RASAL2: variants seen among roughly 807,000 people sequenced by gnomAD.
RASAL2 encodes the protein ras GTPase-activating protein nGAP.
In RASAL2, 58 loss-of-function variants were observed where a neutral mutation model predicts 128.9. That is an observed-to-expected ratio of 0.45 (90% confidence interval 0.36 to 0.56). The LOEUF (loss-of-function observed/expected upper bound fraction) is 0.56. Among genes scored for constraint, RASAL2 ranks in the 20% least tolerant of loss-of-function variants. The pLI, the probability that RASAL2 is intolerant of heterozygous loss-of-function variation, is 0.00. For missense variants in RASAL2, 1,360 were observed against 1,601.6 expected, an observed-to-expected ratio of 0.85 and a Z score of 2.57; for synonymous variants, 561 against 580.8, an observed-to-expected ratio of 0.97 and a Z score of 0.49.
intron 1 of RASAL2, among the ~76,000 whole-genome samples, chr1:178,278,578 A>C (rs1335291819): frequency 2.6e-5 from 4 of 152,224 alleles, no homozygotes; most frequent in Non-Finnish European, 4.4e-5. Flanking sequence ...TTCAAAAGCA[A>C]CTCAGATGAA....
chr1:178,469,082 G>A (rs902054169), intron 17 of RASAL2, among the ~76,000 whole-genome samples: 1 of 152,160 alleles, frequency 6.6e-6, no homozygotes, highest in Non-Finnish European at 1.5e-5. Flanking sequence ...CGGATTGCTT[G>A]AGCTCAGGAT....
intron 3 of RASAL2, among the ~76,000 whole-genome samples, chr1:178,344,996 T>C (rs2102415848): frequency 6.6e-6 from 1 of 152,302 alleles, no homozygotes; most frequent in African/African-American, 2.4e-5. Context: ...ACTTTCTTTG[T>C]ACATACTTGA....
At chr1:178,126,384 G>A (rs770865294) in intron 1 of RASAL2, among the ~76,000 whole-genome samples, 1 of 152,134 alleles carries the variant, frequency 6.6e-6, no homozygotes, top group Non-Finnish European at 1.5e-5. Flanking sequence ...ATTTGCCTAG[G>A]TTGACTAGCA....
In RASAL2 at chr1:178,439,466, C is replaced by G. The variant is rs574213302; in HGVS notation, c.719C>G (p.Ser240Cys). 154 of 1,612,238 alleles carry G rather than the reference C, an allele frequency of 9.6e-5. 2 individuals carry two copies. The South Asian group carries it at 1.6e-3, about 17-fold the overall frequency. Residue 240 changes from serine to cysteine, a missense_variant, in exon 6 of 18, where the codon TCC (serine) becomes TGC (cysteine). Ser to Cys is a moderately radical substitution (Grantham distance 112). This residue lies in a region of RASAL2 where 617 missense variants were observed against 714.2 expected (regional missense o/e 0.86). Coordinates refer to ENST00000367649, the MANE Select transcript of RASAL2 (RefSeq NM_170692.4). The part of the protein sequence containing the change: ...PKLKESRSHE[S>C]LLSPCSTVEC... Reference sequence around the variant, plus strand: ...CTAAAAGAGTCACGTTCCCATGAATCCTTGCTGAGCCCATGCAGCACAGTG... The same window carrying G: ...CTAAAAGAGTCACGTTCCCATGAATGCTTGCTGAGCCCATGCAGCACAGTG...
At chr1:178,447,326 A>AAAAT (rs536115182) in intron 9 of RASAL2, among the ~76,000 whole-genome samples, 6 of 151,892 alleles carry the variant, frequency 4.0e-5, no homozygotes, top group Non-Finnish European at 7.4e-5. Context: ...TGTCTTAAAA[A>AAAAT]AAATAAATAA....
intron 1 of RASAL2, among the ~76,000 whole-genome samples, chr1:178,195,529 G>A (rs1474787757): frequency 3.3e-5 from 5 of 152,028 alleles, no homozygotes; most frequent in African/African-American, 4.8e-5. Context: ...GAATATAAGT[G>A]AAGAAAAAGC....
At chr1:178,114,480 C>G (rs1239200213) in intron 1 of RASAL2, among the ~76,000 whole-genome samples, 1 of 148,610 alleles carries the variant, frequency 6.7e-6, no homozygotes, top group Non-Finnish European at 1.5e-5. Context: ...TATGGTTTTT[C>G]TTTTTTGTTC....
intron 1 of RASAL2, among the ~76,000 whole-genome samples, chr1:178,255,652 A>T (rs1665308251): frequency 1.3e-5 from 2 of 152,136 alleles, no homozygotes; most frequent in Admixed American, 6.5e-5. Flanking sequence ...CTAGTGAGAT[A>T]TGTATGGTAA....
chr1:178,188,371 G>T (rs564373454), intron 1 of RASAL2, among the ~76,000 whole-genome samples: 1 of 152,124 alleles, frequency 6.6e-6, no homozygotes, highest in East Asian at 1.9e-4. Flanking sequence ...TAAAATCTGG[G>T]ATTATTATAG....
At position 178,344,594 on chromosome 1, in the gene RASAL2, T is replaced by G. The variant is rs559442479; in HGVS notation, c.457+44476T>G. ...AAGAGGAAAAGTGTTTGTTACAGAC[T>G]CTTTTTGTTCTCTTCTGTTGTTTCA... On this transcript the variant is annotated intron_variant, in intron 3 of 17. Coordinates refer to ENST00000367649, the MANE Select transcript of RASAL2 (RefSeq NM_170692.4). Among the ~76,000 whole-genome samples, 9 of 152,304 alleles carry G rather than the reference T, an allele frequency of 5.9e-5. No homozygotes were observed. The South Asian group carries it at 1.9e-3, about 32-fold the overall frequency.
chr1:178,290,379 CTTTA>C (rs1328756026), intron 2 of RASAL2, among the ~76,000 whole-genome samples: 1 of 152,072 alleles, frequency 6.6e-6, no homozygotes, highest in Non-Finnish European at 1.5e-5. Flanking sequence ...TAACTTAATT[CTTTA>C]TTTTTCTAAA....
chr1:178,148,257 G>T (rs1051290533), intron 1 of RASAL2, among the ~76,000 whole-genome samples: 1 of 151,712 alleles, frequency 6.6e-6, no homozygotes, highest in Non-Finnish European at 1.5e-5. Flanking sequence ...AAAGGGTAAG[G>T]CTTGGTAAAG....
chr1:178,427,469 A>C (rs1557980771), intron 5 of RASAL2, among the ~76,000 whole-genome samples: 1 of 152,318 alleles, frequency 6.6e-6, no homozygotes, highest in South Asian at 2.1e-4. Context: ...GGTTTTAAGT[A>C]GTCTACTTTT....
At chr1:178,221,521 A>G (rs1388096534) in intron 1 of RASAL2, among the ~76,000 whole-genome samples, 1 of 152,196 alleles carries the variant, frequency 6.6e-6, no homozygotes, top group East Asian at 1.9e-4. Flanking sequence ...CTTTGATAAC[A>G]TGTACTTGAA....
In RASAL2 at chr1:178,351,721, T is replaced by A. The variant is rs1670516978; in HGVS notation, c.458-38379T>A. On this transcript the variant is annotated intron_variant, in intron 3 of 17. Coordinates refer to ENST00000367649, the MANE Select transcript of RASAL2 (RefSeq NM_170692.4). ...TCCAGCCTGGATGACAGAGCGAGAC[T>A]CTATCTCAAGGAAAAAAAAAAAAAA... Among the ~76,000 whole-genome samples the A allele has an allele frequency of 4.3e-5, 6 of 140,034 alleles. No homozygotes were observed. In the Admixed American group the frequency reaches 4.3e-4, roughly 10 times the overall value. The allele number at this position is 140,034 out of a possible 152,430, so 91.9% of individuals were successfully genotyped here.
intron 3 of RASAL2, among the ~76,000 whole-genome samples, chr1:178,331,325 C>T (rs1225723125): frequency 1.3e-5 from 2 of 152,194 alleles, no homozygotes; most frequent in African/African-American, 2.4e-5. Flanking sequence ...GTGCGCAGCA[C>T]CACACGTGAC....
chr1:178,380,283 A>T (rs931806698), intron 3 of RASAL2, among the ~76,000 whole-genome samples: 8 of 152,168 alleles, frequency 5.3e-5, no homozygotes, highest in Admixed American at 4.6e-4. Context: ...TCATAATCTC[A>T]ATTTTTCTGT....
chr1:178,253,441 T>G lies in RASAL2; in HGVS notation c.203-30123T>G, dbSNP rs74128895. Among the ~76,000 whole-genome samples, 842 of 152,286 alleles carry G rather than the reference T, an allele frequency of 5.5e-3. 10 individuals are homozygous for G. Among genetic ancestry groups the G allele is most frequent in the African/African-American group, 0.019 (789 of 41,556 alleles). On this transcript the variant is annotated intron_variant, in intron 1 of 17. Transcript: ENST00000367649. ...ACCTGTTACAGCTTCTAAGCAAAAG[T>G]GTCCCTATATTTGAGATTTTTTTGA... is the stretch of plus-strand genomic sequence containing the variant.
intron 1 of RASAL2, among the ~76,000 whole-genome samples, chr1:178,278,879 A>ATGCT (rs1283497013): frequency 5.6e-4 from 85 of 151,318 alleles, no homozygotes; most frequent in African/African-American, 1.9e-3. Flanking sequence ...CATTTTTGTC[A>ATGCT]AGTAATATAT....
Sources: gnomAD v4.1 joint callset for allele counts (sites outside exome capture counted in the v4.1 genomes callset) on GRCh38, gnomAD v4.1.1 for gene constraint, gnomAD v4.1.1 regional missense constraint, MANE v1.5 for transcripts, NCBI Gene and HGNC (gene_info 2026-07-23, HGNC 2026-07-21) for gene names.